The following CHCHD3 variants were observed in gnomAD, a reference collection of about 807,000 sequenced individuals.
CHCHD3 encodes the protein MICOS complex subunit MIC19.
CHCHD3 carries 20 observed loss-of-function variants against 38.2 expected under a neutral mutation model. The observed-to-expected ratio is 0.52, with a 90% confidence interval of 0.37 to 0.76. The LOEUF (loss-of-function observed/expected upper bound fraction) is 0.76. Among genes scored for constraint, CHCHD3 ranks in the 30% least tolerant of loss-of-function variants. The pLI is 0.00. For synonymous variants in CHCHD3, 82 were observed against 100.0 expected (o/e 0.82, Z 1.07); for missense variants, 245 against 279.2 (o/e 0.88, Z 0.87).
chr7:133,018,885 T>TTTC (rs1170483193), intron 3 of CHCHD3, among the ~76,000 whole-genome samples: 4 of 140,020 alleles, frequency 2.9e-5, no homozygotes, highest in Non-Finnish European at 6.2e-5. Flanking sequence ...CTTTTTTTTT[T>TTTC]TTTTTTTTTT....
intron 4 of CHCHD3, chr7:132,974,010 C>A: frequency 2.3e-6 from 3 of 1,286,698 alleles, no homozygotes; most frequent in South Asian, 2.5e-5. Context: ...TCACCCAGAG[C>A]AGCTCCACTT....
intron 2 of CHCHD3, among the ~76,000 whole-genome samples, chr7:133,069,441 T>G (rs2117537206): frequency 1.3e-5 from 2 of 152,262 alleles, no homozygotes; most frequent in Middle Eastern, 6.8e-3. Context: ...AGTCCAAAAT[T>G]AATCATCCCA....
intron 5 of CHCHD3, among the ~76,000 whole-genome samples, chr7:132,868,352 T>C (rs997390054): frequency 1.3e-5 from 2 of 152,192 alleles, no homozygotes; most frequent in Non-Finnish European, 2.9e-5. Context: ...CTGGAGTTTT[T>C]TGTCATTTAA....
chr7:132,894,882 C>T (rs1809455815), intron 4 of CHCHD3, among the ~76,000 whole-genome samples: 1 of 152,198 alleles, frequency 6.6e-6, no homozygotes, highest in African/African-American at 2.4e-5. Flanking sequence ...CAGCATGTTA[C>T]TCAGGAATGC....
At chr7:132,796,307 G>A in intron 7 of CHCHD3, 135 bp downstream of exon 7, 2 of 923,560 alleles carry the variant, frequency 2.2e-6, no homozygotes, top group Non-Finnish European at 3.3e-6. Context: ...ACTCATTACA[G>A]TAATTCTTGA....
At chr7:133,028,792 G>C (rs1483954063) in intron 2 of CHCHD3, among the ~76,000 whole-genome samples, 1 of 151,860 alleles carries the variant, frequency 6.6e-6, no homozygotes, top group African/African-American at 2.4e-5. Context: ...GGCTGAGGCA[G>C]GAGAATCGCT....
At chr7:133,016,124 G>A (rs1055821294) in intron 3 of CHCHD3, among the ~76,000 whole-genome samples, 3 of 152,100 alleles carry the variant, frequency 2.0e-5, no homozygotes, top group Admixed American at 6.5e-5. Context: ...ATGTGGGTGG[G>A]GACATAGAAC....
At chr7:133,029,410 C>T (rs184648892) in intron 2 of CHCHD3, among the ~76,000 whole-genome samples, 117 of 152,334 alleles carry the variant, frequency 7.7e-4, no homozygotes, top group African/African-American at 2.6e-3. Flanking sequence ...CCCCATCCCA[C>T]ATCCCCTGGT....
intron 3 of CHCHD3, among the ~76,000 whole-genome samples, chr7:133,014,872 C>A (rs925738330): frequency 6.6e-6 from 1 of 152,146 alleles, no homozygotes; most frequent in Non-Finnish European, 1.5e-5. Context: ...ACGTGCCTCA[C>A]TGACCAGCAG....
At chr7:133,067,376 T>A (rs1427513197) in intron 2 of CHCHD3, among the ~76,000 whole-genome samples, 1 of 152,216 alleles carries the variant, frequency 6.6e-6, no homozygotes, top group African/African-American at 2.4e-5. Context: ...ATGTTTTAAT[T>A]AAACTACAGA....
intron 5 of CHCHD3, among the ~76,000 whole-genome samples, chr7:132,880,839 C>T (rs1046014078): frequency 6.6e-6 from 1 of 152,100 alleles, no homozygotes; most frequent in African/African-American, 2.4e-5. Context: ...ACAGAATTCC[C>T]TGTGAGACTT....
chr7:133,062,350 A>T (rs1331984550), intron 2 of CHCHD3, among the ~76,000 whole-genome samples: 1 of 152,232 alleles, frequency 6.6e-6, no homozygotes, highest in East Asian at 1.9e-4. Flanking sequence ...AATTTAAATC[A>T]AAAATAGTAT....
chr7:132,838,451 C>T lies in CHCHD3; in HGVS notation c.472G>A (p.Val158Ile). 1 of 1,612,044 alleles carries T rather than the reference C, an allele frequency of 6.2e-7. No individual in the cohort carries two copies. Among genetic ancestry groups the T allele is most frequent in the Non-Finnish European group, 8.5e-7 (1 of 1,178,554 alleles). ...LEERSSEFYR[V>I]TTEQYQKAAE... is the part of the protein sequence containing the mutation. Reference sequence around the variant, plus strand: ...GCTTTCTGATATTGTTCAGTGGTGACTCTGTAGAACTCTGAGCTCTGTGGA... The same window carrying T: ...GCTTTCTGATATTGTTCAGTGGTGATTCTGTAGAACTCTGAGCTCTGTGGA... The change falls in exon 6 of 8, where the codon GTC (valine) becomes ATC (isoleucine). Residue 158 changes from valine to isoleucine, a missense_variant. Val to Ile is a conservative substitution (Grantham distance 29). Transcript: ENST00000262570.
At position 133,034,187 on chromosome 7, in the gene CHCHD3, T is replaced by C. The variant is rs73162675; in HGVS notation, c.170-9560A>G. 1.7e-3 allele frequency among the ~76,000 whole-genome samples: 263 copies of C among 152,280 alleles called. 1 individual carries two copies. Among genetic ancestry groups the C allele is most frequent in the Non-Finnish European group, 2.8e-3 (192 of 68,024 alleles). On this transcript the variant is annotated intron_variant, in intron 2 of 7. Coordinates refer to ENST00000262570, the MANE Select transcript of CHCHD3 (RefSeq NM_017812.4). ...TTATATATGACAATATCAGAATGAA[T>C]ACTGAACAAACAGTTCAATAAGGCC...
At chr7:133,033,327 A>G (rs7798910) in intron 2 of CHCHD3, among the ~76,000 whole-genome samples, 71,536 of 151,986 alleles carry the variant, frequency 0.47, 17,902 homozygotes, top group African/African-American at 0.64. Flanking sequence ...TTCAGAAGTT[A>G]GAGGGCACAG....
At chr7:133,068,716 A>G (rs1440188315) in intron 2 of CHCHD3, among the ~76,000 whole-genome samples, 1 of 152,230 alleles carries the variant, frequency 6.6e-6, no homozygotes, top group Non-Finnish European at 1.5e-5. Context: ...GACATGTTTT[A>G]GAGATGGAGT....
intron 1 of CHCHD3, among the ~76,000 whole-genome samples, chr7:133,073,926 C>A (rs1293450528): frequency 1.3e-5 from 2 of 152,162 alleles, no homozygotes; most frequent in South Asian, 2.1e-4. Context: ...TTTACACACG[C>A]CTACATTGCC....
intron 5 of CHCHD3, among the ~76,000 whole-genome samples, chr7:132,852,225 GA>G (rs1808235811): frequency 6.6e-6 from 1 of 152,146 alleles, no homozygotes; most frequent in African/African-American, 2.4e-5. Context: ...ATTCATTCAA[GA>G]AGCACTACTG....
chr7:132,798,191 T>C (rs1806670784), intron 6 of CHCHD3, among the ~76,000 whole-genome samples: 1 of 152,158 alleles, frequency 6.6e-6, no homozygotes, highest in African/African-American at 2.4e-5. Flanking sequence ...CCTACTATCC[T>C]CTAAAGAACA....
Sources: allele counts gnomAD v4.1 joint callset (sites outside exome capture counted in the v4.1 genomes callset), GRCh38; gene constraint gnomAD v4.1.1; transcripts MANE v1.5; gene names NCBI Gene and HGNC (gene_info 2026-07-23, HGNC 2026-07-21).